The following IRF6 variants were observed in gnomAD, a reference collection of about 807,000 sequenced individuals.
The protein encoded by IRF6 is interferon regulatory factor 6, also known as Van der Woude syndrome.
IRF6 carries 6 observed loss-of-function variants against 51.4 expected under a neutral mutation model. That is an observed-to-expected ratio of 0.12 (90% CI 0.06 to 0.23). The LOEUF (loss-of-function observed/expected upper bound fraction) is 0.23. Ranked by LOEUF, IRF6 falls within the 10% of genes least tolerant of loss-of-function variation. The pLI, the probability that IRF6 is intolerant of heterozygous loss-of-function variation, is 1.00. For synonymous variants in IRF6, 178 were observed against 215.7 expected (o/e 0.83, Z 1.53); for missense variants, 348 against 585.2 (o/e 0.59, Z 4.18).
At chr1:209,799,206 C>T (rs1006238763) in intron 3 of IRF6, among the ~76,000 whole-genome samples, 1 of 152,262 alleles carries the variant, frequency 6.6e-6, no homozygotes, top group Middle Eastern at 3.4e-3. Context: ...TTAACTTGCT[C>T]AGGGCTACAC....
intron 8 of IRF6, 146 bp downstream of exon 8, chr1:209,789,521 C>A: frequency 1.4e-6 from 1 of 729,820 alleles, no homozygotes; most frequent in Non-Finnish European, 2.5e-6. Flanking sequence ...ATGAGTCCTA[C>A]TGCACAAACC....
Position 209,788,659 on chromosome 1 carries a change from G to C in IRF6, c.1180-15C>G, listed in dbSNP as rs1487201682. 1 of 1,590,864 alleles carries C rather than the reference G, an allele frequency of 6.3e-7. No homozygotes were observed. Among genetic ancestry groups the C allele is most frequent in the African/African-American group, 1.3e-5 (1 of 74,502 alleles). On this transcript the variant is annotated splice_polypyrimidine_tract_variant and intron_variant, in intron 8 of 8. Coordinates refer to ENST00000367021, the MANE Select transcript of IRF6 (RefSeq NM_006147.4). Reference sequence around the variant, plus strand: ...ACTGGAATGACCTGTTCAGGACACAGAACACAGGTGTATCCTCTGAGGAAA... The same window carrying C: ...ACTGGAATGACCTGTTCAGGACACACAACACAGGTGTATCCTCTGAGGAAA...
chr1:209,804,392 T>C (rs1316796433), intron 1 of IRF6, among the ~76,000 whole-genome samples: 2 of 151,872 alleles, frequency 1.3e-5, no homozygotes, highest in Non-Finnish European at 2.9e-5. Flanking sequence ...ACCAAGAAAG[T>C]AAACTAAAAA....
chr1:209,794,202 T>C (rs2077887004), intron 5 of IRF6, among the ~76,000 whole-genome samples: 1 of 152,202 alleles, frequency 6.6e-6, no homozygotes, highest in Non-Finnish European at 1.5e-5. Flanking sequence ...AGGATATAAG[T>C]GTTCCCTTTT....
chr1:209,791,852 C>T (rs1455582439), intron 6 of IRF6, among the ~76,000 whole-genome samples: 1 of 152,190 alleles, frequency 6.6e-6, no homozygotes, highest in African/African-American at 2.4e-5. Context: ...ATGGCATGAT[C>T]AGGGCTCACT....
At chr1:209,797,313 T>C (rs2077908525) in intron 3 of IRF6, among the ~76,000 whole-genome samples, 1 of 129,300 alleles carries the variant, frequency 7.7e-6, no homozygotes, top group Admixed American at 1.0e-4. Flanking sequence ...GAGATTGTAG[T>C]GAGCCAAGAT....
At chr1:209,789,232 G>A (rs571544666) in intron 8 of IRF6, among the ~76,000 whole-genome samples, 2 of 152,166 alleles carry the variant, frequency 1.3e-5, no homozygotes, top group Admixed American at 6.5e-5. Flanking sequence ...GCTGAGGTGG[G>A]AGGATCACTT....
intron 5 of IRF6, 41 bp downstream of exon 5, chr1:209,795,249 A>G: frequency 6.2e-7 from 1 of 1,611,564 alleles, no homozygotes; most frequent in Non-Finnish European, 8.5e-7. Flanking sequence ...AACTCCTTAC[A>G]TCCTCCATAT....
rs938689720 is a variant in IRF6 at position 209,787,161 on chromosome 1, T to A, written c.*1259A>T. 4.6e-5 allele frequency: 7 copies of A among 152,354 alleles called. No individual in the cohort carries two copies. The highest frequency in any genetic ancestry group is 8.8e-5 in the Non-Finnish European group (6 of 68,164). The allele number at this position is 152,354 out of a possible 1,614,324, so 9.4% of individuals were successfully genotyped here. On this transcript the variant is annotated 3_prime_UTR_variant, in exon 9 of 9. Coordinates refer to ENST00000367021, the MANE Select transcript of IRF6 (RefSeq NM_006147.4). ...TGAGCCCAGGAGCTTAAAGCTGCAG[T>A]AAGTGGTGACTTGCCACTGCACTCC...
At chr1:209,805,302 G>A (rs2077966810) in intron 1 of IRF6, among the ~76,000 whole-genome samples, 1 of 151,986 alleles carries the variant, frequency 6.6e-6, no homozygotes, top group South Asian at 2.1e-4. Flanking sequence ...TCCAAGTCAG[G>A]CCTGGGAGAC....
At chr1:209,797,497 C>G (rs543506089) in intron 3 of IRF6, among the ~76,000 whole-genome samples, 1 of 152,108 alleles carries the variant, frequency 6.6e-6, no homozygotes, top group Admixed American at 6.5e-5. Context: ...ATCCACACCC[C>G]TTACCTTACC....
intron 3 of IRF6, among the ~76,000 whole-genome samples, chr1:209,798,880 G>T (rs1477355965): frequency 7.4e-6 from 1 of 134,504 alleles, no homozygotes; most frequent in Non-Finnish European, 1.5e-5. Context: ...CTGCACTCCA[G>T]TCTGGGTGAC....
At chr1:209,792,688 T>C in intron 5 of IRF6, 1 of 528,202 alleles carries the variant, frequency 1.9e-6, no homozygotes, top group Non-Finnish European at 3.4e-6. Context: ...CATAGACATG[T>C]GAGTTTTCTC....
intron 3 of IRF6, among the ~76,000 whole-genome samples, chr1:209,797,370 CAAAAAAAA>C (rs11418099): frequency 4.9e-4 from 24 of 48,588 alleles, no homozygotes; most frequent in African/African-American, 7.3e-4. Flanking sequence ...AACTTCATCT[CAAAAAAAA>C]AAAAAAAAAA....
chr1:209,801,223 TAGA>T lies in IRF6; in HGVS notation c.174+14_174+16del, dbSNP rs1458612163. 35 of 1,563,892 alleles carry T rather than the reference TAGA, an allele frequency of 2.2e-5. No individual in the cohort carries two copies. The highest frequency in any genetic ancestry group is 2.5e-5 in the Non-Finnish European group (28 of 1,138,884). On this transcript the variant is annotated intron_variant, in intron 3 of 8. Transcript: ENST00000367021. ...AAAAAAATCCAGAAAGGTCTGATGG[TAGA>T]AGAAGTCCTTTACCTTAAAAATGGT... is the stretch of plus-strand genomic sequence containing the variant.
Position 209,785,937 on chromosome 1 carries a change from C to T in IRF6, c.*2483G>A, listed in dbSNP as rs1354425806. On this transcript the variant is annotated 3_prime_UTR_variant, in exon 9 of 9. Coordinates refer to ENST00000367021, the MANE Select transcript of IRF6 (RefSeq NM_006147.4). ...GGGAAAGGGACCAGCCCAGATCCAA[C>T]ACTTGCTCTCCCAGTTTACCTCCAG... is the stretch of plus-strand genomic sequence containing the variant. 6.6e-6 allele frequency: 1 copy of T among 152,372 alleles called. No individual in the cohort carries two copies. Among genetic ancestry groups the T allele is most frequent in the South Asian group, 2.1e-4 (1 of 4,828 alleles). The allele number at this position is 152,372 out of a possible 1,614,324, so 9.4% of individuals were successfully genotyped here.
At chr1:209,799,413 C>T (rs2077925716) in intron 3 of IRF6, among the ~76,000 whole-genome samples, 1 of 152,188 alleles carries the variant, frequency 6.6e-6, no homozygotes, top group African/African-American at 2.4e-5. Flanking sequence ...GAAGGTAATA[C>T]CTCCCTTACA....
intron 6 of IRF6, 114 bp from the exon 7 acceptor site, chr1:209,791,001 G>T: frequency 1.9e-6 from 3 of 1,592,984 alleles, no homozygotes; most frequent in Non-Finnish European, 1.7e-6. Flanking sequence ...ATTCAGGAAG[G>T]CCACTGCCAT....
chr1:209,804,879 C>T (rs1473173703), intron 1 of IRF6, among the ~76,000 whole-genome samples: 1 of 152,218 alleles, frequency 6.6e-6, no homozygotes, highest in Non-Finnish European at 1.5e-5. Context: ...CCATTTCTCG[C>T]AGACAATTCT....
Sources: gnomAD v4.1 joint callset for allele counts (sites outside exome capture counted in the v4.1 genomes callset) on GRCh38, gnomAD v4.1.1 for gene constraint, MANE v1.5 for transcripts, NCBI Gene and HGNC (gene_info 2026-07-23, HGNC 2026-07-21) for gene names.